The following RAD18 variants were observed in gnomAD, a reference collection of about 807,000 sequenced individuals.
The protein encoded by RAD18 is E3 ubiquitin-protein ligase RAD18.
Under a neutral mutation model 60.4 loss-of-function variants are expected in RAD18, and 47 were observed. The observed-to-expected ratio is 0.78, with a 90% CI of 0.62 to 0.99. The LOEUF is 0.99. RAD18 is among the 50% of genes least tolerant of loss of function. The pLI, the probability that RAD18 is intolerant of heterozygous loss-of-function variation, is 0.00. For synonymous variants in RAD18, 225 were observed against 195.5 expected, an observed-to-expected ratio of 1.15 and a Z score of -1.26; for missense variants, 640 against 593.3, an observed-to-expected ratio of 1.08 and a Z score of -0.82.
At chr3:8,947,774 C>T (rs1169401646) in intron 3 of RAD18, among the ~76,000 whole-genome samples, 1 of 152,214 alleles carries the variant, frequency 6.6e-6, no homozygotes, top group Non-Finnish European at 1.5e-5. Context: ...TTTATCTCAG[C>T]GATGAGACCA....
chr3:8,908,718 G>A (rs753157316), intron 9 of RAD18, among the ~76,000 whole-genome samples: 2 of 152,146 alleles, frequency 1.3e-5, no homozygotes, highest in Non-Finnish European at 2.9e-5. Flanking sequence ...AAATTAATTA[G>A]AAATAAGTAA....
chr3:8,903,078 C>T (rs1939942446), intron 9 of RAD18, among the ~76,000 whole-genome samples: 1 of 151,388 alleles, frequency 6.6e-6, no homozygotes, highest in Non-Finnish European at 1.5e-5. Flanking sequence ...TGCTCAAGAA[C>T]AGCATCCTTA....
chr3:8,951,979 G>A (rs35231821), intron 2 of RAD18, among the ~76,000 whole-genome samples: 14,003 of 152,088 alleles, frequency 0.092, 701 homozygotes, highest in South Asian at 0.15. Flanking sequence ...CTTCTCATAC[G>A]GACACTAATC....
At chr3:8,958,874 T>G in intron 2 of RAD18, 46 bp downstream of exon 2, 1 of 1,434,970 alleles carries the variant, frequency 7.0e-7, no homozygotes, top group South Asian at 1.1e-5. Context: ...CACTACCTCA[T>G]GTAAAAATCG....
In RAD18 at chr3:8,925,961, A is replaced by C. The variant is rs1940425976; in HGVS notation, c.889+9910T>G. On this transcript the variant is annotated intron_variant, in intron 7 of 12. Transcript: ENST00000264926. The stretch of plus-strand genomic sequence containing the variant: ...CAAACCCACAGCCAATATCATACTG[A>C]ATGGGCAAAAACTGGAAGCATTCCC... Among the ~76,000 whole-genome samples the C allele has an allele frequency of 2.0e-5, 3 of 152,280 alleles. No homozygotes were observed. The East Asian group carries it at 5.8e-4, about 29-fold the overall frequency.
At position 8,939,666 on chromosome 3, in the gene RAD18, A is replaced by G; in HGVS notation, c.605-13T>C. On this transcript the variant is annotated splice_polypyrimidine_tract_variant and intron_variant, in intron 5 of 12. Transcript: ENST00000264926. ...ACAGGACAATCCACTGTATTTTTTAAAAAGAAAAAGAGAGACTTTATTAAT... is the reference window on the plus strand; with the variant it reads ...ACAGGACAATCCACTGTATTTTTTAGAAAGAAAAAGAGAGACTTTATTAAT... 1 of 1,595,496 alleles carries G rather than the reference A, an allele frequency of 6.3e-7. No homozygotes were observed. Among genetic ancestry groups the G allele is most frequent in the South Asian group, 1.1e-5 (1 of 89,172 alleles).
intron 12 of RAD18, among the ~76,000 whole-genome samples, chr3:8,886,273 T>C (rs1302937078): frequency 1.3e-5 from 2 of 152,214 alleles, no homozygotes; most frequent in African/African-American, 4.8e-5. Flanking sequence ...ACATTAATGT[T>C]GGCCAGTTGT....
rs550984120 is a variant in RAD18, at chr3:8,962,793, C to T, written c.51+542G>A. Among the ~76,000 whole-genome samples the T allele has an allele frequency of 2.6e-5, 4 of 152,330 alleles. No homozygotes were observed. The South Asian group carries it at 8.3e-4, about 32-fold the overall frequency. Reference sequence around the variant, plus strand: ...TGAGTCCTGATCTCTGTTTAAGAGACATGAGCAATTGTTAGAGAAGAGTGA... The same window carrying T: ...TGAGTCCTGATCTCTGTTTAAGAGATATGAGCAATTGTTAGAGAAGAGTGA... On this transcript the variant is annotated intron_variant, in intron 1 of 12. Transcript: ENST00000264926.
intron 12 of RAD18, chr3:8,890,049 T>C: frequency 3.4e-6 from 1 of 290,220 alleles, no homozygotes; most frequent in South Asian, 4.4e-5. Flanking sequence ...GGCTATACCA[T>C]CTAGGTAAGT....
In RAD18 at chr3:8,898,901, A is replaced by T; in HGVS notation, c.1315T>A (p.Cys439Ser). Residue 439 changes from cysteine (C) to serine (S), a missense_variant, in exon 11 of 13, where the codon TGC becomes AGC. By Grantham distance (112) the Cys-to-Ser change is moderately radical. Transcript: ENST00000264926. ...EVLSSSESDS[C>S]NSSSSDIIRD... ...CTACTGCATGTTTCTTACCTATTGC[A>T]TGAATCTGATTCTGATGAAGAAAGA... is the stretch of plus-strand genomic sequence containing the variant. 2 of 1,586,310 alleles carry T rather than the reference A, an allele frequency of 1.3e-6. No individual in the cohort carries two copies. Among genetic ancestry groups the T allele is most frequent in the Non-Finnish European group, 1.7e-6 (2 of 1,165,700 alleles).
intron 12 of RAD18, among the ~76,000 whole-genome samples, chr3:8,883,130 C>T (rs1939500505): frequency 6.6e-6 from 1 of 152,014 alleles, no homozygotes; most frequent in Non-Finnish European, 1.5e-5. Flanking sequence ...AATAGAGCAG[C>T]CAAGAGCTGT....
intron 12 of RAD18, 90 bp from the exon 13 acceptor site, chr3:8,881,549 T>C: frequency 1.0e-6 from 1 of 1,003,900 alleles, no homozygotes; most frequent in Non-Finnish European, 1.5e-6. Flanking sequence ...ACATATTATT[T>C]CATTAAAACC....
intron 2 of RAD18, among the ~76,000 whole-genome samples, chr3:8,953,303 C>A (rs1940956760): frequency 6.6e-6 from 1 of 151,404 alleles, no homozygotes; most frequent in African/African-American, 2.4e-5. Flanking sequence ...TTAATAAGGT[C>A]ACATGTACCT....
intron 7 of RAD18, among the ~76,000 whole-genome samples, chr3:8,921,971 C>A (rs905035339): frequency 6.6e-6 from 1 of 152,120 alleles, no homozygotes; most frequent in Non-Finnish European, 1.5e-5. Context: ...TCCAAGATGG[C>A]CGAATAGGAA....
At chr3:8,929,342 G>A (rs1345944119) in intron 7 of RAD18, among the ~76,000 whole-genome samples, 5 of 151,806 alleles carry the variant, frequency 3.3e-5, no homozygotes, top group Non-Finnish European at 5.9e-5. Context: ...TAACTTATAG[G>A]TAGAACAATC....
At chr3:8,915,199 C>T (rs1270682206) in intron 7 of RAD18, among the ~76,000 whole-genome samples, 1 of 150,502 alleles carries the variant, frequency 6.6e-6, no homozygotes, top group East Asian at 1.9e-4. Context: ...AATTTAGTGG[C>T]TTAAATCTTC....
intron 11 of RAD18, among the ~76,000 whole-genome samples, chr3:8,893,368 G>A (rs1236763085): frequency 6.6e-6 from 1 of 152,162 alleles, no homozygotes; most frequent in Non-Finnish European, 1.5e-5. Context: ...GAACGTGGTT[G>A]AGTATATCCA....
At chr3:8,949,822 T>C (rs896547864) in intron 2 of RAD18, among the ~76,000 whole-genome samples, 2 of 152,108 alleles carry the variant, frequency 1.3e-5, no homozygotes, top group Admixed American at 6.5e-5. Context: ...CGGCTCAGTG[T>C]GGGCAAGTCT....
intron 2 of RAD18, among the ~76,000 whole-genome samples, chr3:8,950,853 C>A (rs184681661): frequency 2.2e-4 from 34 of 152,086 alleles, no homozygotes; most frequent in African/African-American, 8.2e-4. Context: ...GGAATGCTAG[C>A]GATAAAAAGA....
Sources: gnomAD v4.1 joint callset for allele counts (sites outside exome capture counted in the v4.1 genomes callset) on GRCh38, gnomAD v4.1.1 for gene constraint, MANE v1.5 for transcripts, NCBI Gene and HGNC (gene_info 2026-07-23, HGNC 2026-07-21) for gene names.